IL18RAP: variants seen among roughly 807,000 people sequenced by gnomAD.
The protein encoded by IL18RAP is interleukin-18 receptor accessory protein.
IL18RAP carries 37 observed loss-of-function variants against 58.1 expected under a neutral mutation model. The observed-to-expected ratio is 0.64, with a 90% confidence interval of 0.49 to 0.84. The LOEUF (loss-of-function observed/expected upper bound fraction) is 0.84. Among genes scored for constraint, IL18RAP ranks in the 40% least tolerant of loss-of-function variants. The probability of loss-of-function intolerance (pLI) is 0.00; values close to 1 mark genes in which losing one functional copy is unlikely to be tolerated. For missense variants in IL18RAP, 667 were observed against 704.8 expected (o/e 0.95, Z 0.61); for synonymous variants, 268 against 257.5 (o/e 1.04, Z -0.39).
At position 102,451,920 on chromosome 2, in the gene IL18RAP, G is replaced by C; in HGVS notation, c.1539G>C (p.Lys513Asn). The change falls in exon 10 of 10, where the codon AAG (lysine) becomes AAC (asparagine). Residue 513 changes from lysine (K) to asparagine (N), a missense_variant. Coordinates refer to ENST00000687160, the MANE Select transcript of IL18RAP (RefSeq NM_001393487.1). ...AAACACTGAAACTCATTTTAATTAA[G>C]TTCTGTTACTTCCAAGAGCCAGAGT... is the stretch of plus-strand genomic sequence containing the variant. The part of the protein sequence containing the change: ...DDQTLKLILI[K>N]FCYFQEPESL... 6.2e-7 allele frequency: 1 copy of C among 1,614,128 alleles called. No homozygotes were observed. The highest frequency in any genetic ancestry group is 8.5e-7 in the Non-Finnish European group (1 of 1,180,018).
intron 4 of IL18RAP, 64 bp from the exon 5 acceptor site, chr2:102,441,248 A>G (rs368993758): frequency 7.9e-7 from 1 of 1,267,482 alleles, no homozygotes. Flanking sequence ...GTGCACCTAA[A>G]TCTTCATCAA....
upstream of IL18RAP, among the ~76,000 whole-genome samples, chr2:102,421,997 C>G (rs1327396472): frequency 8.6e-5 from 13 of 151,676 alleles, no homozygotes; most frequent in Admixed American, 5.2e-4. Context: ...TGGAATCCTA[C>G]CCAAGGCCCT....
At chr2:102,449,184 C>T (rs2104386475) in intron 8 of IL18RAP, among the ~76,000 whole-genome samples, 1 of 152,074 alleles carries the variant, frequency 6.6e-6, no homozygotes, top group East Asian at 1.9e-4. Context: ...AGGAGAATCA[C>T]TTGAACCTGG....
At chr2:102,450,341 A>G (rs553604122) in intron 8 of IL18RAP, among the ~76,000 whole-genome samples, 1 of 152,270 alleles carries the variant, frequency 6.6e-6, no homozygotes, top group South Asian at 2.1e-4. Flanking sequence ...CCCTTAAAAC[A>G]GCCTGCCCAG....
chr2:102,424,840 C>T (rs997604320), intron 3 of IL18RAP, among the ~76,000 whole-genome samples: 2 of 152,184 alleles, frequency 1.3e-5, no homozygotes, highest in African/African-American at 4.8e-5. Context: ...TCCCAAAAGA[C>T]AGCTCTTGGA....
intron 8 of IL18RAP, among the ~76,000 whole-genome samples, chr2:102,450,544 A>G (rs1442840734): frequency 6.6e-6 from 1 of 152,214 alleles, no homozygotes; most frequent in East Asian, 1.9e-4. Context: ...GAAACACTGC[A>G]GGTGCAAAGA....
chr2:102,442,313 A>G (rs1683153546), intron 5 of IL18RAP, among the ~76,000 whole-genome samples: 1 of 151,762 alleles, frequency 6.6e-6, no homozygotes, highest in African/African-American at 2.4e-5. Flanking sequence ...TTTTTTTATT[A>G]TTATTATACT....
intron 9 of IL18RAP, 69 bp from the exon 10 acceptor site, chr2:102,451,697 A>G: frequency 7.7e-7 from 1 of 1,303,152 alleles, no homozygotes; most frequent in African/African-American, 1.5e-5. Flanking sequence ...AAGAGAATCC[A>G]TTGCAAGGAC....
chr2:102,450,731 GA>G, intron 8 of IL18RAP, 116 bp from the exon 9 acceptor site: 1 of 556,972 alleles, frequency 1.8e-6, no homozygotes, highest in African/African-American at 1.9e-5. Context: ...ATTTAGTCAG[GA>G]TCCCAAATAT....
Position 102,447,227 on chromosome 2 carries a change from C to T in IL18RAP, c.1210+20C>T. ...TTGGGGGTAAGTTTACCTCCACATG[C>T]AGCCCTCTGACTTTTCCTCTGGGAA... is the stretch of plus-strand genomic sequence containing the variant. On this transcript the variant is annotated intron_variant, in intron 8 of 9. Coordinates refer to ENST00000687160, the MANE Select transcript of IL18RAP (RefSeq NM_001393487.1). 1 of 1,609,780 alleles carries T rather than the reference C, an allele frequency of 6.2e-7. No individual in the cohort carries two copies. The highest frequency in any genetic ancestry group is 8.5e-7 in the Non-Finnish European group (1 of 1,177,618).
chr2:102,431,957 C>A (rs6756161), intron 3 of IL18RAP, among the ~76,000 whole-genome samples: 81,407 of 151,886 alleles, frequency 0.54, 23,721 homozygotes, highest in African/African-American at 0.74. Context: ...TGATAGCTTT[C>A]TTAGTTTCTT....
At chr2:102,448,782 A>G (rs1683584783) in intron 8 of IL18RAP, among the ~76,000 whole-genome samples, 8 of 151,466 alleles carry the variant, frequency 5.3e-5, no homozygotes, top group Admixed American at 5.3e-4. Flanking sequence ...CAACATGGTG[A>G]AACCTGCCTC....
chr2:102,435,844 T>G (rs1259489342), intron 3 of IL18RAP, among the ~76,000 whole-genome samples: 1 of 29,024 alleles, frequency 3.4e-5, no homozygotes, highest in East Asian at 6.7e-4. Flanking sequence ...AGTGTCTTCA[T>G]TTTTTTTTTT....
Position 102,452,309 on chromosome 2 carries a change from A to T in IL18RAP, c.*128A>T. The T allele has an allele frequency of 2.3e-6, 2 of 877,370 alleles. No individual in the cohort carries two copies. Among genetic ancestry groups the T allele is most frequent in the Non-Finnish European group, 3.5e-6 (2 of 578,054 alleles). 54.3% of individuals were successfully genotyped at this position (877,370 alleles called of 1,614,324 possible). ...AAGAGTCTCCTGCCAGCACCAAGCA[A>T]GCTTGATGGACAATGGAGTGGGATT... On this transcript the variant is annotated 3_prime_UTR_variant, in exon 10 of 10. Coordinates refer to ENST00000687160, the MANE Select transcript of IL18RAP (RefSeq NM_001393487.1).
chr2:102,443,797 C>A (rs1427651137), intron 6 of IL18RAP, among the ~76,000 whole-genome samples: 1 of 152,124 alleles, frequency 6.6e-6, no homozygotes, highest in Non-Finnish European at 1.5e-5. Context: ...CAACTTAACC[C>A]CGAAAAAGAG....
chr2:102,426,515 A>G (rs1681953996), intron 3 of IL18RAP, among the ~76,000 whole-genome samples: 1 of 152,160 alleles, frequency 6.6e-6, no homozygotes, highest in South Asian at 2.1e-4. Flanking sequence ...AATATATACA[A>G]TACATTTAAT....
chr2:102,441,609 C>T (rs983950573), intron 5 of IL18RAP, among the ~76,000 whole-genome samples: 5 of 152,108 alleles, frequency 3.3e-5, no homozygotes, highest in African/African-American at 7.2e-5. Flanking sequence ...TATTGCAGGC[C>T]GGGCATGGTG....
chr2:102,436,743 A>G (rs931318149), intron 3 of IL18RAP, among the ~76,000 whole-genome samples: 1 of 152,130 alleles, frequency 6.6e-6, no homozygotes, highest in South Asian at 2.1e-4. Flanking sequence ...ATAAGTATGT[A>G]TCTGTTTATA....
chr2:102,430,409 T>C (rs2104318131), intron 3 of IL18RAP, among the ~76,000 whole-genome samples: 1 of 152,168 alleles, frequency 6.6e-6, no homozygotes, highest in African/African-American at 2.4e-5. Context: ...TTGTATGGAA[T>C]ATCTTTGTCC....
Sources: allele counts gnomAD v4.1 joint callset (sites outside exome capture counted in the v4.1 genomes callset), GRCh38; gene constraint gnomAD v4.1.1; transcripts MANE v1.5; gene names NCBI Gene and HGNC (gene_info 2026-07-23, HGNC 2026-07-21).